WDR44: variants seen among roughly 807,000 people sequenced by gnomAD.
WDR44 encodes the protein WD repeat domain 44.
WDR44 carries 9 observed loss-of-function variants against 65.7 expected under a neutral mutation model. The ratio of observed to expected loss-of-function variants is 0.14; its 90% CI spans 0.08 to 0.24. The LOEUF (loss-of-function observed/expected upper bound fraction) is 0.24. WDR44 is among the 10% of genes least tolerant of loss of function. The pLI is 1.00. For missense variants in WDR44, 425 were observed against 670.9 expected (o/e 0.63, Z 4.05); for synonymous variants, 220 against 235.2 (o/e 0.94, Z 0.59).
chrX:118,369,232 C>CGT (rs2056584850), intron 1 of WDR44, among the ~76,000 whole-genome samples: 1 of 109,756 alleles, frequency 9.1e-6, no homozygotes, highest in South Asian at 3.9e-4. Flanking sequence ...AGTGCAGTGG[C>CGT]CCTATCTCGG....
In WDR44 at chrX:118,435,844, C is replaced by T. The variant is rs138376625; in HGVS notation, c.1852-858C>T. Reference sequence around the variant, plus strand: ...TTGAAAACAGGTATACCACAATGTACCTACTTCATAGTGTTGCTATATAAT... The same window carrying T: ...TTGAAAACAGGTATACCACAATGTATCTACTTCATAGTGTTGCTATATAAT... On this transcript the variant is annotated intron_variant, in intron 13 of 19. Coordinates refer to ENST00000254029, the MANE Select transcript of WDR44 (RefSeq NM_019045.5). 1.6e-3 allele frequency among the ~76,000 whole-genome samples: 183 copies of T among 112,308 alleles called. 3 individuals carry two copies. The East Asian group carries it at 0.046, about 28-fold the overall frequency.
Position 118,393,810 on chromosome X carries a change from T to G in WDR44, c.827-245T>G, listed in dbSNP as rs141523075. Among the ~76,000 whole-genome samples, 403 of 112,017 alleles carry G rather than the reference T, an allele frequency of 3.6e-3. 1 individual carries two copies. The highest frequency in any genetic ancestry group is 0.012 in the African/African-American group (380 of 30,871). ...TCAGCAGACTTCAAACTTTCAATTC[T>G]GTTGCCATCTGAGAGAGAGTGGCAT... On this transcript the variant is annotated intron_variant, in intron 4 of 19. Coordinates refer to ENST00000254029, the MANE Select transcript of WDR44 (RefSeq NM_019045.5).
intron 12 of WDR44, among the ~76,000 whole-genome samples, chrX:118,413,857 A>G (rs2057031945): frequency 9.0e-6 from 1 of 111,713 alleles, no homozygotes; most frequent in Non-Finnish European, 1.9e-5. Context: ...TGATTTTTGT[A>G]TAAAGTGAGA....
chrX:118,382,001 A>G (rs2056722505), intron 2 of WDR44, among the ~76,000 whole-genome samples: 2 of 110,930 alleles, frequency 1.8e-5, no homozygotes, highest in Non-Finnish European at 3.8e-5. Flanking sequence ...AGTAGCTAGG[A>G]CTACAGACTC....
Position 118,346,210 on chromosome X carries a change from C to T in WDR44, c.-294C>T, listed in dbSNP as rs937970571. The T allele has an allele frequency of 1.6e-5, 5 of 310,469 alleles. No individual in the cohort carries two copies. Among genetic ancestry groups the T allele is most frequent in the African/African-American group, 1.4e-4 (5 of 36,466 alleles). The allele number at this position is 310,469 out of a possible 1,213,427, so 25.6% of individuals were successfully genotyped here. ...GCCCTTCTTCCCTTACTGCGAGGAG[C>T]CACCGCCTCTTTCGCGCTCCTTATA... On this transcript the variant is annotated 5_prime_UTR_variant, in exon 1 of 20. Coordinates refer to ENST00000254029, the MANE Select transcript of WDR44 (RefSeq NM_019045.5).
chrX:118,390,898 C>T (rs974818348), intron 3 of WDR44, among the ~76,000 whole-genome samples: 11 of 111,886 alleles, frequency 9.8e-5, no homozygotes, highest in Non-Finnish European at 2.1e-4. Flanking sequence ...TTAAGTAAGA[C>T]CTGGATTTCA....
intron 2 of WDR44, among the ~76,000 whole-genome samples, chrX:118,385,870 G>A (rs1249857202): frequency 1.8e-5 from 2 of 110,842 alleles, no homozygotes; most frequent in East Asian, 5.7e-4. Context: ...GTAGGCAGAG[G>A]CTATGTCATG....
chrX:118,418,233 G>A (rs748485337), intron 12 of WDR44, among the ~76,000 whole-genome samples: 20 of 111,381 alleles, frequency 1.8e-4, no homozygotes, highest in African/African-American at 6.5e-4. Context: ...TGATGAACTA[G>A]TGTGATTTTT....
Position 118,436,901 on chromosome X carries a change from G to A in WDR44, c.1974+77G>A, listed in dbSNP as rs898458923. 5.2e-6 allele frequency: 5 copies of A among 966,691 alleles called. No individual in the cohort carries two copies. In the African/African-American group the frequency reaches 9.9e-5, roughly 19 times the overall value. 79.7% of individuals were successfully genotyped at this position (966,691 alleles called of 1,213,427 possible). ...ACCTGATTTCTCTAGAGGGCAATTG[G>A]ACTACAGGAAAAAAATTATTAACAG... is the stretch of plus-strand genomic sequence containing the variant. On this transcript the variant is annotated intron_variant, in intron 14 of 19. Transcript: ENST00000254029.
chrX:118,382,509 C>G (rs1272964350), intron 2 of WDR44, among the ~76,000 whole-genome samples: 1 of 112,013 alleles, frequency 8.9e-6, no homozygotes, highest in Admixed American at 9.5e-5. Flanking sequence ...TAAAAAATTT[C>G]ACTTTAGTAG....
At chrX:118,367,146 TG>T (rs1569358643) in intron 1 of WDR44, among the ~76,000 whole-genome samples, 1 of 110,915 alleles carries the variant, frequency 9.0e-6, no homozygotes, top group African/African-American at 3.3e-5. Flanking sequence ...GGCAGAGGGG[TG>T]GAAGAGGAGT....
chrX:118,432,440 A>G (rs2057219619), intron 12 of WDR44, among the ~76,000 whole-genome samples: 1 of 111,682 alleles, frequency 9.0e-6, no homozygotes. Flanking sequence ...CATCACTGGG[A>G]AGGGAAATCA....
chrX:118,405,289 A>G (rs1042151339), intron 9 of WDR44, among the ~76,000 whole-genome samples: 18 of 105,271 alleles, frequency 1.7e-4, no homozygotes, highest in Non-Finnish European at 2.7e-4. Flanking sequence ...ACCCACTTCT[A>G]CCTCCCAAAA....
chrX:118,347,376 G>A (rs990881064), intron 1 of WDR44, among the ~76,000 whole-genome samples: 2 of 111,906 alleles, frequency 1.8e-5, no homozygotes, highest in Non-Finnish European at 3.8e-5. Flanking sequence ...ATTAATATGG[G>A]TGATTCTGAA....
chrX:118,434,024 A>G (rs1428578551), intron 13 of WDR44, among the ~76,000 whole-genome samples: 1 of 112,312 alleles, frequency 8.9e-6, no homozygotes, highest in African/African-American at 3.2e-5. Context: ...TTCAAACCCT[A>G]TGACTTCGGA....
intron 7 of WDR44, 69 bp from the exon 8 acceptor site, chrX:118,398,318 A>T: frequency 1.2e-6 from 1 of 847,081 alleles, no homozygotes; most frequent in Non-Finnish European, 1.7e-6. Flanking sequence ...GTTATATAGT[A>T]AGTATAAACA....
At position 118,432,840 on chromosome X, in the gene WDR44, A is replaced by G; in HGVS notation, c.1797A>G (p.Pro599=). The G allele has an allele frequency of 1.7e-6, 2 of 1,211,988 alleles. No homozygotes were observed. Among genetic ancestry groups the G allele is most frequent in the Non-Finnish European group, 2.2e-6 (2 of 895,396 alleles). The change falls in exon 13 of 20, where the codon CCA becomes CCG. Residue 599 remains proline (P), a synonymous_variant. Transcript: ENST00000254029. ...AAAACGCACCCTTTCGGCAACGGCCATTTTGCAAATATAAAGGACATACTG... is the reference window on the plus strand; with the variant it reads ...AAAACGCACCCTTTCGGCAACGGCCGTTTTGCAAATATAAAGGACATACTG... The part of the protein sequence containing the change: ...DDKNAPFRQR[P]FCKYKGHTAD...
intron 1 of WDR44, among the ~76,000 whole-genome samples, chrX:118,378,197 C>T (rs1335367176): frequency 2.7e-5 from 3 of 111,902 alleles, no homozygotes; most frequent in African/African-American, 9.8e-5. Context: ...AGGTGATCCG[C>T]CTGCCTCAGC....
At chrX:118,381,828 C>T (rs1431377008) in intron 2 of WDR44, among the ~76,000 whole-genome samples, 1 of 108,912 alleles carries the variant, frequency 9.2e-6, no homozygotes, top group East Asian at 2.9e-4. Context: ...CTCAACATCC[C>T]AAAGTGCTGG....
Sources: gnomAD v4.1 joint callset for allele counts (sites outside exome capture counted in the v4.1 genomes callset) on GRCh38, gnomAD v4.1.1 for gene constraint, MANE v1.5 for transcripts, NCBI Gene and HGNC (gene_info 2026-07-23, HGNC 2026-07-21) for gene names.